Variants in TRHDE observed in about 807,000 individuals in gnomAD.
TRHDE encodes thyrotropin-releasing hormone-degrading ectoenzyme.
In TRHDE, 72 loss-of-function variants were observed where a neutral mutation model predicts 125.7. That is an observed-to-expected ratio of 0.57 (90% CI 0.47 to 0.70). The LOEUF (loss-of-function observed/expected upper bound fraction) is 0.70, where lower values mean the gene tolerates loss of function less well. Among genes scored for constraint, TRHDE ranks in the 30% least tolerant of loss-of-function variants. The pLI is 0.00. For synonymous variants in TRHDE, 509 were observed against 509.1 expected (o/e 1.00, Z 0.00); for missense variants, 1,110 against 1,327.1 (o/e 0.84, Z 2.54).
intron 2 of TRHDE, among the ~76,000 whole-genome samples, chr12:72,221,182 A>G (rs962394550): frequency 1.3e-5 from 2 of 152,130 alleles, no homozygotes; most frequent in African/African-American, 4.8e-5. Flanking sequence ...CTTTTGCAAT[A>G]TGCCTATTAG....
At chr12:72,331,858 G>C (rs1869613754) in intron 2 of TRHDE, among the ~76,000 whole-genome samples, 1 of 152,216 alleles carries the variant, frequency 6.6e-6, no homozygotes. Flanking sequence ...CTACATAAAG[G>C]AAAGTTGAAT....
intron 6 of TRHDE, among the ~76,000 whole-genome samples, chr12:72,500,379 G>A (rs1878096418): frequency 6.6e-6 from 1 of 151,934 alleles, no homozygotes; most frequent in Non-Finnish European, 1.5e-5. Flanking sequence ...AATTGCATTT[G>A]TTGGAATTTC....
Position 72,657,729 on chromosome 12 carries a change from C to T in TRHDE, c.3066+721C>T, listed in dbSNP as rs1874761964. Among the ~76,000 whole-genome samples the T allele has an allele frequency of 2.6e-5, 4 of 152,156 alleles. No homozygotes were observed. The South Asian group carries it at 8.3e-4, about 32-fold the overall frequency. On this transcript the variant is annotated intron_variant, in intron 18 of 18. Coordinates refer to ENST00000261180, the MANE Select transcript of TRHDE (RefSeq NM_013381.3). The stretch of plus-strand genomic sequence containing the variant: ...GTTTGTTTGTTTTGCCATTAAGTCA[C>T]CTCACTAATATAGAGAGATGAGAAA...
At chr12:72,519,747 G>A (rs1377418398) in intron 6 of TRHDE, among the ~76,000 whole-genome samples, 3 of 152,148 alleles carry the variant, frequency 2.0e-5, no homozygotes, top group African/African-American at 4.8e-5. Context: ...CAGTTTTTCT[G>A]TTCTGTTTTT....
chr12:72,265,624 GA>G (rs1170226382), intron 2 of TRHDE, among the ~76,000 whole-genome samples: 8 of 151,278 alleles, frequency 5.3e-5, no homozygotes, highest in Non-Finnish European at 1.2e-4. Context: ...AGTACCTGAA[GA>G]AAAAAATCAG....
rs182045224 is a variant in TRHDE, at chr12:72,115,698, C to T, written n.279+9946C>T. 1.2e-3 allele frequency among the ~76,000 whole-genome samples: 184 copies of T among 152,244 alleles called. 1 individual carries two copies. Among genetic ancestry groups the T allele is most frequent in the African/African-American group, 4.0e-3 (166 of 41,546 alleles). On this transcript the variant is annotated intron_variant and non_coding_transcript_variant, in intron 2 of 4. Coordinates refer to the TRHDE transcript ENST00000548156. ...ACAATGGTTCCCTTTCCTCCACATCCTCACTAGCATTTATTATTATGTGTC... is the reference window on the plus strand; with the variant it reads ...ACAATGGTTCCCTTTCCTCCACATCTTCACTAGCATTTATTATTATGTGTC...
chr12:72,610,433 C>A (rs938642051), intron 12 of TRHDE, among the ~76,000 whole-genome samples: 1 of 152,218 alleles, frequency 6.6e-6, no homozygotes, highest in Non-Finnish European at 1.5e-5. Flanking sequence ...TGAAAGACCA[C>A]GTGGCACATT....
chr12:72,367,117 TCTC>T (rs1168196956), intron 2 of TRHDE, among the ~76,000 whole-genome samples: 1 of 152,046 alleles, frequency 6.6e-6, no homozygotes, highest in African/African-American at 2.4e-5. Context: ...AATTGTAAAT[TCTC>T]CTCCTTCTCA....
intron 12 of TRHDE, among the ~76,000 whole-genome samples, chr12:72,581,916 C>A (rs1871247219): frequency 6.6e-6 from 1 of 151,768 alleles, no homozygotes; most frequent in Non-Finnish European, 1.5e-5. Context: ...TCCTGGCTAA[C>A]ATGGTGAAAC....
intron 18 of TRHDE, among the ~76,000 whole-genome samples, chr12:72,660,391 CAG>C (rs1227440756): frequency 2.0e-5 from 3 of 152,052 alleles, no homozygotes; most frequent in African/African-American, 4.8e-5. Context: ...GCTGGTGGAG[CAG>C]AGTGTTCCCT....
chr12:72,556,382 A>G (rs1387816337), intron 7 of TRHDE, among the ~76,000 whole-genome samples: 1 of 152,236 alleles, frequency 6.6e-6, no homozygotes, highest in Admixed American at 6.5e-5. Flanking sequence ...CAGGCTTACA[A>G]AATAGAATAA....
At chr12:72,617,991 G>A (rs1253224827) in intron 12 of TRHDE, among the ~76,000 whole-genome samples, 1 of 152,076 alleles carries the variant, frequency 6.6e-6, no homozygotes, top group African/African-American at 2.4e-5. Context: ...TATCAATGCT[G>A]AAAAATTCCA....
intron 2 of TRHDE, among the ~76,000 whole-genome samples, chr12:72,323,016 G>A (rs1050794695): frequency 6.6e-6 from 1 of 152,026 alleles, no homozygotes; most frequent in Non-Finnish European, 1.5e-5. Context: ...CAAGTAGAGC[G>A]AAGATTTCCA....
At chr12:72,176,014 A>G (rs909829585) in intron 2 of TRHDE, among the ~76,000 whole-genome samples, 3 of 152,196 alleles carry the variant, frequency 2.0e-5, no homozygotes, top group African/African-American at 7.2e-5. Flanking sequence ...TTCAGGCCTA[A>G]CAAGGCCATG....
At chr12:72,557,528 G>C (rs1321273310) in intron 7 of TRHDE, among the ~76,000 whole-genome samples, 6 of 152,116 alleles carry the variant, frequency 3.9e-5, no homozygotes, top group Non-Finnish European at 8.8e-5. Flanking sequence ...CCATTTATGT[G>C]GTTAATCCTC....
intron 2 of TRHDE, among the ~76,000 whole-genome samples, chr12:72,201,125 G>A (rs1241734230): frequency 1.3e-5 from 2 of 152,202 alleles, no homozygotes; most frequent in Non-Finnish European, 2.9e-5. Context: ...CTCTCCTGGA[G>A]TAGAACTAGG....
chr12:72,237,264 AAG>A lies in TRHDE; in HGVS notation n.279+131519_279+131520del, dbSNP rs373081353. Among the ~76,000 whole-genome samples the A allele has an allele frequency of 1.1e-3, 168 of 152,346 alleles. 1 individual carries two copies. The East Asian group carries it at 0.016, about 14-fold the overall frequency. On this transcript the variant is annotated intron_variant and non_coding_transcript_variant, in intron 2 of 4. Transcript: ENST00000548156. ...ATATCATTATTTAACATAGTGAAAAAAGAGAGAGTTTCTATGACTAAAAGATG... is the reference window on the plus strand; with the variant it reads ...ATATCATTATTTAACATAGTGAAAAAAGAGAGTTTCTATGACTAAAAGATG...
intron 2 of TRHDE, among the ~76,000 whole-genome samples, chr12:72,241,905 G>C (rs1279088768): frequency 1.3e-5 from 2 of 152,132 alleles, no homozygotes; most frequent in Non-Finnish European, 2.9e-5. Context: ...CATTACCCCA[G>C]TGGCTAATGA....
intron 12 of TRHDE, among the ~76,000 whole-genome samples, chr12:72,577,078 C>T (rs1592548884): frequency 1.3e-5 from 2 of 151,906 alleles, no homozygotes; most frequent in South Asian, 2.1e-4. Flanking sequence ...GTTTTATGTA[C>T]GAAAGAAAGA....
Sources: allele counts gnomAD v4.1 joint callset (sites outside exome capture counted in the v4.1 genomes callset), GRCh38; gene constraint gnomAD v4.1.1; transcripts MANE v1.5; gene names NCBI Gene and HGNC (gene_info 2026-07-23, HGNC 2026-07-21).